CBLB: variants seen among roughly 807,000 people sequenced by gnomAD.
The protein encoded by CBLB is Cbl proto-oncogene B.
In CBLB, 31 loss-of-function variants were observed where a neutral mutation model predicts 104.9. The ratio of observed to expected loss-of-function variants is 0.30; its 90% CI spans 0.22 to 0.40. CBLB has a LOEUF of 0.40. CBLB is among the 10% of genes least tolerant of loss of function. The pLI is 1.00. For synonymous variants in CBLB, 440 were observed against 422.6 expected (o/e 1.04, Z -0.51); for missense variants, 1,062 against 1,214.6 (o/e 0.87, Z 1.87).
At position 105,816,273 on chromosome 3, in the gene CBLB, G is replaced by C. The variant is rs935392521; in HGVS notation, c.419+37141C>G. On this transcript the variant is annotated intron_variant, in intron 3 of 18. Transcript: ENST00000394030. ...TTCTCTTTGCAAAACCATGAAATTA[G>C]TAAAAATTAGTAAATTGACTGCCCT... is the stretch of plus-strand genomic sequence containing the variant. Among the ~76,000 whole-genome samples, 7 of 152,136 alleles carry C rather than the reference G, an allele frequency of 4.6e-5. No individual in the cohort carries two copies. In the East Asian group the frequency reaches 9.6e-4, roughly 21 times the overall value.
chr3:105,785,791 A>T (rs2080914041), intron 3 of CBLB, among the ~76,000 whole-genome samples: 1 of 152,234 alleles, frequency 6.6e-6, no homozygotes, highest in Non-Finnish European at 1.5e-5. Flanking sequence ...CAGGATTAAA[A>T]TTATCTTTAT....
chr3:105,670,230 C>T lies in CBLB; in HGVS notation c.2689+3G>A, dbSNP rs1174204865. The T allele has an allele frequency of 6.2e-7, 1 of 1,612,928 alleles. No homozygotes were observed. On this transcript the variant is annotated splice_donor_region_variant and intron_variant, in intron 18 of 18. Transcript: ENST00000394030. ...TTATTGTTACTGTTACTAGCCAACT[C>T]ACCTGAACATGAAGGAAGCTGATCA...
At chr3:105,729,165 GA>G (rs1384089672) in intron 9 of CBLB, among the ~76,000 whole-genome samples, 1 of 151,892 alleles carries the variant, frequency 6.6e-6, no homozygotes. Context: ...TAGAAAGTAA[GA>G]AAAAATGTCT....
intron 18 of CBLB, among the ~76,000 whole-genome samples, chr3:105,660,236 G>A (rs2063654589): frequency 6.6e-6 from 1 of 152,118 alleles, no homozygotes; most frequent in Non-Finnish European, 1.5e-5. Context: ...CCAGGCTGGA[G>A]TGCAATGGCG....
intron 6 of CBLB, among the ~76,000 whole-genome samples, chr3:105,743,447 G>A (rs1444485929): frequency 2.9e-5 from 4 of 138,474 alleles, no homozygotes; most frequent in Non-Finnish European, 6.2e-5. Context: ...TGAACACAGT[G>A]AGACTCTGTC....
chr3:105,826,394 T>C (rs1187520119), intron 3 of CBLB, among the ~76,000 whole-genome samples: 1 of 152,214 alleles, frequency 6.6e-6, no homozygotes, highest in Non-Finnish European at 1.5e-5. Flanking sequence ...CTTTAGCTTT[T>C]TGGTATAAAA....
chr3:105,803,748 T>C (rs2083176167), intron 3 of CBLB, among the ~76,000 whole-genome samples: 1 of 152,204 alleles, frequency 6.6e-6, no homozygotes, highest in Admixed American at 6.5e-5. Context: ...CGGGTACACA[T>C]TCTTAAAGAT....
chr3:105,670,228 C>T lies in CBLB; in HGVS notation c.2689+5G>A. 6.2e-7 allele frequency: 1 copy of T among 1,612,860 alleles called. No homozygotes were observed. The highest frequency in any genetic ancestry group is 1.7e-4 in the Middle Eastern group (1 of 6,054). ...TATTATTGTTACTGTTACTAGCCAA[C>T]TCACCTGAACATGAAGGAAGCTGAT... On this transcript the variant is annotated splice_donor_5th_base_variant and intron_variant, in intron 18 of 18. Coordinates refer to ENST00000394030, the MANE Select transcript of CBLB (RefSeq NM_170662.5).
intron 11 of CBLB, among the ~76,000 whole-genome samples, chr3:105,702,950 T>C (rs901783652): frequency 6.6e-6 from 1 of 152,162 alleles, no homozygotes; most frequent in South Asian, 2.1e-4. Context: ...AAAACTGATA[T>C]GGGGGCAAAT....
intron 3 of CBLB, among the ~76,000 whole-genome samples, chr3:105,820,186 G>C (rs997592935): frequency 1.3e-5 from 2 of 152,050 alleles, no homozygotes; most frequent in African/African-American, 2.4e-5. Context: ...TTCACAATAG[G>C]GTTCACACTC....
chr3:105,725,201 A>C (rs1360362842), intron 9 of CBLB, among the ~76,000 whole-genome samples: 1 of 152,228 alleles, frequency 6.6e-6, no homozygotes, highest in Non-Finnish European at 1.5e-5. Flanking sequence ...AAGACATAAA[A>C]TGTATCTGAA....
At position 105,853,395 on chromosome 3, in the gene CBLB, T is replaced by A. The variant is rs2091203350; in HGVS notation, c.419+19A>T. ...CATAAATGACCTTTACACCAAAACA[T>A]CTGAAATATTCTTCTTACCTGTCCT... is the stretch of plus-strand genomic sequence containing the variant. On this transcript the variant is annotated intron_variant, in intron 3 of 18. Transcript: ENST00000394030. 3 of 1,612,746 alleles carry A rather than the reference T, an allele frequency of 1.9e-6. No individual in the cohort carries two copies. Among genetic ancestry groups the A allele is most frequent in the Non-Finnish European group, 1.7e-6 (2 of 1,179,252 alleles).
At chr3:105,745,318 G>C (rs1341437549) in intron 6 of CBLB, among the ~76,000 whole-genome samples, 1 of 152,206 alleles carries the variant, frequency 6.6e-6, no homozygotes, top group African/African-American at 2.4e-5. Context: ...CAAAGCCACA[G>C]GGGCTGACCA....
intron 17 of CBLB, among the ~76,000 whole-genome samples, chr3:105,677,828 G>A (rs975467991): frequency 3.4e-5 from 5 of 148,888 alleles, no homozygotes; most frequent in African/African-American, 9.8e-5. Flanking sequence ...ATATACATAT[G>A]TAAATAATAA....
intron 3 of CBLB, among the ~76,000 whole-genome samples, chr3:105,780,668 T>TTTTG (rs1553789076): frequency 1.6e-4 from 16 of 99,674 alleles, no homozygotes; most frequent in African/African-American, 5.0e-4. Context: ...TTGTTTTTTT[T>TTTTG]TTTTTTTTTT....
chr3:105,665,404 A>AAAATATAT (rs2064278753), intron 18 of CBLB, among the ~76,000 whole-genome samples: 1 of 62,488 alleles, frequency 1.6e-5, no homozygotes, highest in Non-Finnish European at 3.2e-5. Context: ...TAAATAAATA[A>AAAATATAT]ATAAATAAAT....
intron 4 of CBLB, among the ~76,000 whole-genome samples, chr3:105,766,165 G>A (rs1332515131): frequency 6.6e-6 from 1 of 152,088 alleles, no homozygotes; most frequent in African/African-American, 2.4e-5. Context: ...AGAATTAGAA[G>A]TAGAACCTAA....
At position 105,741,741 on chromosome 3, in the gene CBLB, G is replaced by A. The variant is rs540472872; in HGVS notation, c.846-1110C>T. On this transcript the variant is annotated intron_variant, in intron 6 of 18. Coordinates refer to ENST00000394030, the MANE Select transcript of CBLB (RefSeq NM_170662.5). ...AGACCACGTTAGCCAGGATGGTCTC[G>A]ATATCCTGACCTCATGATCCACCCG... 3.9e-5 allele frequency among the ~76,000 whole-genome samples: 6 copies of A among 152,034 alleles called. No individual in the cohort carries two copies. In the East Asian group the frequency reaches 9.7e-4, roughly 25 times the overall value.
intron 8 of CBLB, among the ~76,000 whole-genome samples, chr3:105,735,466 G>A (rs1031396029): frequency 2.6e-5 from 4 of 152,268 alleles, no homozygotes; most frequent in Non-Finnish European, 5.9e-5. Flanking sequence ...AATCAAAGAT[G>A]CAGATCTCAA....
Sources: allele counts gnomAD v4.1 joint callset (sites outside exome capture counted in the v4.1 genomes callset), GRCh38; gene constraint gnomAD v4.1.1; transcripts MANE v1.5; gene names NCBI Gene and HGNC (gene_info 2026-07-23, HGNC 2026-07-21).